Variants in LPP observed in about 807,000 individuals in gnomAD.
The protein encoded by LPP is LIM domain containing preferred translocation partner in lipoma.
A neutral mutation model predicts 60.4 loss-of-function variants in LPP; 38 were observed. That is an observed-to-expected ratio of 0.63 (90% CI 0.49 to 0.83). The LOEUF (loss-of-function observed/expected upper bound fraction) is 0.83. LPP is among the 40% of genes least tolerant of loss of function. The probability of loss-of-function intolerance (pLI) is 0.00; values close to 1 mark genes in which losing one functional copy is unlikely to be tolerated. For missense variants in LPP, 902 were observed against 783.6 expected (o/e 1.15, Z -1.80); for synonymous variants, 328 against 290.8 (o/e 1.13, Z -1.30).
rs1054354811 is a variant in LPP at position 188,610,332 on chromosome 3, T to A, written c.1113+488T>A. 9.2e-5 allele frequency among the ~76,000 whole-genome samples: 14 copies of A among 152,282 alleles called. No individual in the cohort carries two copies. Among genetic ancestry groups the A allele is most frequent in the African/African-American group, 3.1e-4 (13 of 41,560 alleles). On this transcript the variant is annotated intron_variant, in intron 7 of 11. Transcript: ENST00000617246. This position sits in a 1 kb window ranked among gnomAD's most constrained non-coding sequence, Gnocchi z 4.4. ...GTGAACTGCTGTCAGGCTGTGGCCC[T>A]GTGAAGGCGATTATAACTCCCGCAA...
chr3:188,734,245 T>G (rs1721701616), intron 8 of LPP, among the ~76,000 whole-genome samples: 1 of 152,224 alleles, frequency 6.6e-6, no homozygotes, highest in South Asian at 2.1e-4. Context: ...GTGTTATAAT[T>G]CAGTCATTCT....
chr3:188,598,670 T>C, intron 6 of LPP, among the ~76,000 whole-genome samples: 1 of 152,182 alleles, frequency 6.6e-6, no homozygotes, highest in East Asian at 1.9e-4. Flanking sequence ...AATTAATGTT[T>C]TCTGGCTTTC....
At chr3:188,673,858 C>T (rs1462923732) in intron 7 of LPP, among the ~76,000 whole-genome samples, 2 of 148,686 alleles carry the variant, frequency 1.3e-5, no homozygotes, top group Non-Finnish European at 3.0e-5. Flanking sequence ...GGTAGAGTCC[C>T]TTTCTTTCTG....
intron 1 of LPP, among the ~76,000 whole-genome samples, chr3:188,168,908 T>TA (rs1311507186): frequency 3.3e-5 from 5 of 152,238 alleles, no homozygotes; most frequent in African/African-American, 1.2e-4. Flanking sequence ...ACTATCTTAT[T>TA]AAGTCTAAAT....
Position 188,524,802 on chromosome 3 carries a change from C to A in LPP, c.429+15C>A. ...GGCCTCCACAGGTTAGTGCAGCCCA[C>A]AATCATCTCCACACAGCCATTCCCA... On this transcript the variant is annotated intron_variant, in intron 6 of 11. Coordinates refer to ENST00000617246, the MANE Select transcript of LPP (RefSeq NM_001375462.1). The A allele has an allele frequency of 6.2e-7, 1 of 1,610,142 alleles. No individual in the cohort carries two copies. The highest frequency in any genetic ancestry group is 8.5e-7 in the Non-Finnish European group (1 of 1,178,224).
chr3:188,336,267 C>T (rs755018060), intron 2 of LPP, among the ~76,000 whole-genome samples: 4 of 152,054 alleles, frequency 2.6e-5, no homozygotes, highest in Non-Finnish European at 5.9e-5. Flanking sequence ...AGGATCTTGC[C>T]AACCTATTGT....
intron 2 of LPP, among the ~76,000 whole-genome samples, chr3:188,255,561 G>A (rs1322753883): frequency 1.3e-5 from 2 of 152,140 alleles, no homozygotes; most frequent in Non-Finnish European, 2.9e-5. Flanking sequence ...CATTGTAATG[G>A]TTAGTTGTAT....
chr3:188,214,000 A>ACACACACACACACACACACACACC (rs1491021615), intron 1 of LPP, among the ~76,000 whole-genome samples: 1 of 148,868 alleles, frequency 6.7e-6, no homozygotes, highest in Non-Finnish European at 1.5e-5. Flanking sequence ...ACACACACAC[A>ACACACACACACACACACACACACC]CTTTTTAAGC....
chr3:188,601,097 C>T (rs1580297532), intron 6 of LPP, among the ~76,000 whole-genome samples: 1 of 152,052 alleles, frequency 6.6e-6, no homozygotes, highest in Non-Finnish European at 1.5e-5. Flanking sequence ...AGCTGCATTC[C>T]TGCTTTTAGT....
At chr3:188,222,370 A>G (rs1161353512) in intron 1 of LPP, among the ~76,000 whole-genome samples, 1 of 152,186 alleles carries the variant, frequency 6.6e-6, no homozygotes, top group Non-Finnish European at 1.5e-5. Context: ...AAAGCCTTGG[A>G]AGGGGTGAAC....
intron 3 of LPP, among the ~76,000 whole-genome samples, chr3:188,387,753 G>T (rs1177488554): frequency 6.6e-6 from 1 of 151,988 alleles, no homozygotes; most frequent in African/African-American, 2.4e-5. Context: ...TTTTATTAGA[G>T]ACAGGGTTTC....
At chr3:188,835,471 C>A (rs1022920201) in intron 9 of LPP, among the ~76,000 whole-genome samples, 1 of 150,192 alleles carries the variant, frequency 6.7e-6, no homozygotes, top group Non-Finnish European at 1.5e-5. Flanking sequence ...AAAAAAAAAT[C>A]AGCTGGTGGT....
At chr3:188,669,061 A>G (rs996690345) in intron 7 of LPP, among the ~76,000 whole-genome samples, 4 of 152,316 alleles carry the variant, frequency 2.6e-5, no homozygotes, top group African/African-American at 9.6e-5. Context: ...TGTATAGAGT[A>G]CTAAAGAAGG....
At chr3:188,497,416 C>T (rs770703125) in intron 5 of LPP, among the ~76,000 whole-genome samples, 3 of 152,060 alleles carry the variant, frequency 2.0e-5, no homozygotes, top group Non-Finnish European at 4.4e-5. Flanking sequence ...CTTCATTATT[C>T]GTGAGCTTTA....
intron 9 of LPP, among the ~76,000 whole-genome samples, chr3:188,775,084 A>T (rs538402155): frequency 4.3e-5 from 6 of 139,690 alleles, no homozygotes; most frequent in African/African-American, 1.6e-4. Flanking sequence ...ACAGAGTCTC[A>T]CTCTGTTGCC....
At position 188,528,287 on chromosome 3, in the gene LPP, A is replaced by G. The variant is rs142234082; in HGVS notation, c.429+3500A>G. Among the ~76,000 whole-genome samples, 465 of 152,168 alleles carry G rather than the reference A, an allele frequency of 3.1e-3. 1 individual carries two copies. Among genetic ancestry groups the G allele is most frequent in the African/African-American group, 0.011 (448 of 41,508 alleles). On this transcript the variant is annotated intron_variant, in intron 6 of 11. Coordinates refer to ENST00000617246, the MANE Select transcript of LPP (RefSeq NM_001375462.1). ...CGTGACTGACCCACTTCGGCCTTCC[A>G]AAGTGCTGGGGTTACAGGCATGAGC...
chr3:188,795,702 T>G (rs1745129977), intron 9 of LPP, among the ~76,000 whole-genome samples: 1 of 152,138 alleles, frequency 6.6e-6, no homozygotes, highest in Non-Finnish European at 1.5e-5. Flanking sequence ...ATCATCATCA[T>G]CATCATCGTC....
intron 8 of LPP, among the ~76,000 whole-genome samples, chr3:188,730,244 G>A (rs1719951213): frequency 6.6e-6 from 1 of 152,140 alleles, no homozygotes; most frequent in Non-Finnish European, 1.5e-5. Flanking sequence ...CCATGGAAAG[G>A]ACCTTGGAAA....
chr3:188,638,066 G>T (rs939132729), intron 7 of LPP, among the ~76,000 whole-genome samples: 5 of 149,046 alleles, frequency 3.4e-5, no homozygotes, highest in South Asian at 2.3e-4. Flanking sequence ...AACCAAAAAA[G>T]AGAATTTTAG....
Sources: allele counts gnomAD v4.1 joint callset (sites outside exome capture counted in the v4.1 genomes callset), GRCh38; gene constraint gnomAD v4.1.1; non-coding constraint Gnocchi (gnomAD v3.1); transcripts MANE v1.5; gene names NCBI Gene and HGNC (gene_info 2026-07-23, HGNC 2026-07-21).